The following SSBP2 variants were observed in gnomAD, a reference collection of about 807,000 sequenced individuals.
SSBP2 encodes single-stranded DNA-binding protein 2.
SSBP2 carries 17 observed loss-of-function variants against 61.8 expected under a neutral mutation model. That is an observed-to-expected ratio of 0.28 (90% confidence interval 0.19 to 0.41). SSBP2 has a LOEUF of 0.41. Ranked by LOEUF, SSBP2 falls within the 10% of genes least tolerant of loss-of-function variation. The probability of loss-of-function intolerance (pLI) is 1.00; values close to 1 mark genes in which losing one functional copy is unlikely to be tolerated. For missense variants in SSBP2, 310 were observed against 458.7 expected (o/e 0.68, Z 2.96); for synonymous variants, 139 against 141.3 (o/e 0.98, Z 0.12).
At chr5:81,625,043 A>G (rs1038518737) in intron 3 of SSBP2, among the ~76,000 whole-genome samples, 6 of 152,164 alleles carry the variant, frequency 3.9e-5, no homozygotes, top group African/African-American at 7.2e-5. Flanking sequence ...CACTTCACCT[A>G]TATATGCTAC....
intron 4 of SSBP2, among the ~76,000 whole-genome samples, chr5:81,590,224 C>A (rs1415374062): frequency 2.0e-5 from 3 of 151,940 alleles, no homozygotes; most frequent in Non-Finnish European, 4.4e-5. Flanking sequence ...AGGAAGAAAA[C>A]CAAAGTGGGA....
chr5:81,431,791 G>A (rs2153924467), intron 15 of SSBP2, among the ~76,000 whole-genome samples: 1 of 152,192 alleles, frequency 6.6e-6, no homozygotes, highest in East Asian at 1.9e-4. Context: ...TCACTATGTT[G>A]CTCAGGCTGG....
intron 1 of SSBP2, among the ~76,000 whole-genome samples, chr5:81,655,266 T>C (rs915105908): frequency 6.6e-6 from 1 of 152,198 alleles, no homozygotes; most frequent in Non-Finnish European, 1.5e-5. Flanking sequence ...TGAATTAACA[T>C]CTTCCTTTTC....
chr5:81,641,470 T>A (rs1748779191), intron 2 of SSBP2, among the ~76,000 whole-genome samples: 2 of 152,214 alleles, frequency 1.3e-5, no homozygotes, highest in South Asian at 4.1e-4. Context: ...CTTCCGTCCA[T>A]CATACTGAAG....
chr5:81,615,773 A>C (rs1745951297), intron 3 of SSBP2, among the ~76,000 whole-genome samples: 1 of 152,126 alleles, frequency 6.6e-6, no homozygotes, highest in African/African-American at 2.4e-5. Flanking sequence ...GACTTTTATA[A>C]AAAAAAATTT....
chr5:81,691,833 T>C (rs1277013245), intron 1 of SSBP2, among the ~76,000 whole-genome samples: 2 of 152,112 alleles, frequency 1.3e-5, no homozygotes, highest in Non-Finnish European at 2.9e-5. Flanking sequence ...AGCAACCAAA[T>C]TCAACAACAC....
intron 4 of SSBP2, among the ~76,000 whole-genome samples, chr5:81,578,390 A>G (rs1468249155): frequency 6.6e-6 from 1 of 152,000 alleles, no homozygotes; most frequent in Non-Finnish European, 1.5e-5. Flanking sequence ...TGGCATTACA[A>G]AAACCAGACT....
intron 4 of SSBP2, among the ~76,000 whole-genome samples, chr5:81,514,372 C>T (rs1197797807): frequency 6.6e-6 from 1 of 151,912 alleles, no homozygotes; most frequent in Non-Finnish European, 1.5e-5. Flanking sequence ...TCAAAGTCTA[C>T]TTCACTTGCA....
intron 1 of SSBP2, among the ~76,000 whole-genome samples, chr5:81,720,284 A>G (rs985028849): frequency 1.3e-5 from 2 of 152,146 alleles, no homozygotes; most frequent in Non-Finnish European, 2.9e-5. Context: ...CTGTGTCACC[A>G]CTACCATGCA....
intron 6 of SSBP2, among the ~76,000 whole-genome samples, chr5:81,486,272 T>G (rs1475810949): frequency 6.6e-6 from 1 of 152,172 alleles, no homozygotes; most frequent in African/African-American, 2.4e-5. Context: ...TTCGTAAAAT[T>G]TGTCAACAAA....
intron 1 of SSBP2, among the ~76,000 whole-genome samples, chr5:81,705,594 T>G (rs183680683): frequency 2.0e-5 from 3 of 152,328 alleles, no homozygotes; most frequent in African/African-American, 7.2e-5. Context: ...AACTAATTAA[T>G]AATTGTAAAA....
At chr5:81,501,213 AT>A (rs1767694262) in intron 5 of SSBP2, among the ~76,000 whole-genome samples, 3 of 2,288 alleles carry the variant, frequency 1.3e-3, no homozygotes, top group African/African-American at 3.4e-3. Flanking sequence ...TCCATCTCAA[AT>A]ATATATATAT....
At chr5:81,463,632 A>G (rs1764687577) in intron 9 of SSBP2, among the ~76,000 whole-genome samples, 1 of 152,128 alleles carries the variant, frequency 6.6e-6, no homozygotes, top group South Asian at 2.1e-4. Flanking sequence ...CCGGAGAGGC[A>G]GAAGTTGCAG....
At chr5:81,566,033 T>A (rs1020087793) in intron 4 of SSBP2, among the ~76,000 whole-genome samples, 1 of 152,234 alleles carries the variant, frequency 6.6e-6, no homozygotes, top group African/African-American at 2.4e-5. Flanking sequence ...GGGAAGACCA[T>A]GATAAGGAAA....
intron 6 of SSBP2, among the ~76,000 whole-genome samples, chr5:81,488,704 TC>T (rs1374602843): frequency 8.5e-5 from 5 of 58,600 alleles, no homozygotes; most frequent in African/African-American, 3.3e-4. Context: ...CCCTCCCCCC[TC>T]CCCCCACCCC....
intron 16 of SSBP2, among the ~76,000 whole-genome samples, chr5:81,424,452 AAAAG>A (rs759583927): frequency 2.6e-5 from 4 of 152,060 alleles, no homozygotes; most frequent in African/African-American, 7.2e-5. Flanking sequence ...TAAATAAATA[AAAAG>A]AAAGAAAAGA....
chr5:81,553,849 C>A (rs1018813739), intron 4 of SSBP2, among the ~76,000 whole-genome samples: 1 of 152,006 alleles, frequency 6.6e-6, no homozygotes, highest in Non-Finnish European at 1.5e-5. Flanking sequence ...TCTTACCATC[C>A]TTTCCTACCT....
chr5:81,602,681 A>G (rs1419698082), intron 4 of SSBP2, among the ~76,000 whole-genome samples: 2 of 152,164 alleles, frequency 1.3e-5, no homozygotes, highest in African/African-American at 2.4e-5. Context: ...TTTGAAAACA[A>G]GAATTCCGTT....
At chr5:81,470,527 A>C (rs1438670915) in intron 8 of SSBP2, among the ~76,000 whole-genome samples, 1 of 151,730 alleles carries the variant, frequency 6.6e-6, no homozygotes, top group Non-Finnish European at 1.5e-5. Context: ...CTATGTGTGC[A>C]CTTTGCTCAA....
Sources: allele counts gnomAD v4.1 joint callset (sites outside exome capture counted in the v4.1 genomes callset), GRCh38; gene constraint gnomAD v4.1.1; transcripts MANE v1.5; gene names NCBI Gene and HGNC (gene_info 2026-07-23, HGNC 2026-07-21).